The following DHRSX variants were observed in gnomAD, a reference collection of about 807,000 sequenced individuals.
DHRSX encodes dehydrogenase/reductase X-linked, also known as polyprenol dehydrogenase.
In DHRSX, 31 loss-of-function variants were observed where a neutral mutation model predicts 34.0. That is an observed-to-expected ratio of 0.91 (90% CI 0.69 to 1.23). The LOEUF (loss-of-function observed/expected upper bound fraction) is 1.23, where lower values mean the gene tolerates loss of function less well. DHRSX is among the 50% of genes most tolerant of loss of function. The pLI is 0.00. For missense variants in DHRSX, 414 were observed against 428.1 expected (o/e 0.97, Z 0.29); for synonymous variants, 201 against 183.8 (o/e 1.09, Z -0.76).
chrX:2,222,468 G>A (rs1373376148), intron 6 of DHRSX, among the ~76,000 whole-genome samples: 4 of 152,210 alleles, frequency 2.6e-5, no homozygotes, highest in African/African-American at 9.6e-5. Flanking sequence ...AATTGCGAGA[G>A]TTTTAGAAGC....
At chrX:2,297,734 C>T (rs2041950941) in intron 3 of DHRSX, among the ~76,000 whole-genome samples, 2 of 148,836 alleles carry the variant, frequency 1.3e-5, no homozygotes, top group Non-Finnish European at 3.0e-5. Flanking sequence ...GACAGGAGTG[C>T]GGAGTTTTTT....
intron 1 of DHRSX, among the ~76,000 whole-genome samples, chrX:2,448,978 C>T (rs143894529): frequency 0.012 from 1,845 of 152,248 alleles, 37 homozygotes; most frequent in African/African-American, 0.042. Flanking sequence ...CACCTGAGGT[C>T]AGGAGTTCCA....
At position 2,383,702 on chromosome X, in the gene DHRSX, AAAC is replaced by A. The variant is rs199689488; in HGVS notation, c.286+25040_286+25042del. ...GGCTGGGGAAATCAGTGACACAATT[AAAC>A]AACCAACGATACAATGTGTGAGGTT... On this transcript the variant is annotated intron_variant, in intron 3 of 6. Transcript: ENST00000334651. 8.5e-3 allele frequency among the ~76,000 whole-genome samples: 1,300 copies of A among 152,328 alleles called. 14 individuals carry two copies. The highest frequency in any genetic ancestry group is 0.029 in the African/African-American group (1,188 of 41,574).
At chrX:2,357,400 A>G (rs1161064842) in intron 3 of DHRSX, among the ~76,000 whole-genome samples, 1 of 152,146 alleles carries the variant, frequency 6.6e-6, no homozygotes, top group Non-Finnish European at 1.5e-5. Flanking sequence ...CCATTATAAG[A>G]TGTATAGTAA....
Position 2,241,127 on chromosome X carries a change from C to G in DHRSX, c.804+1896G>C, listed in dbSNP as rs767885180. On this transcript the variant is annotated intron_variant, in intron 6 of 6. Transcript: ENST00000334651. Reference sequence around the variant, plus strand: ...TGAACCCGGGAGGCAGAGGCTGCAGCGAGCCGAGATCACACCACGGCACTC... The same window carrying G: ...TGAACCCGGGAGGCAGAGGCTGCAGGGAGCCGAGATCACACCACGGCACTC... Among the ~76,000 whole-genome samples the G allele has an allele frequency of 4.6e-5, 7 of 151,768 alleles. No homozygotes were observed. In the South Asian group the frequency reaches 1.5e-3, roughly 32 times the overall value.
chrX:2,245,831 A>T (rs751466872), intron 5 of DHRSX, among the ~76,000 whole-genome samples: 1 of 150,948 alleles, frequency 6.6e-6, no homozygotes, highest in African/African-American at 2.4e-5. Flanking sequence ...GCATGGTGGC[A>T]TGTGCCTGTA....
At chrX:2,274,197 C>T (rs2124472033) in intron 4 of DHRSX, among the ~76,000 whole-genome samples, 1 of 151,724 alleles carries the variant, frequency 6.6e-6, no homozygotes, top group East Asian at 1.9e-4. Flanking sequence ...GCCCCGATGG[C>T]CAGCTATTTT....
intron 3 of DHRSX, among the ~76,000 whole-genome samples, chrX:2,388,538 T>C (rs2043298422): frequency 6.6e-6 from 1 of 151,676 alleles, no homozygotes; most frequent in African/African-American, 2.4e-5. Flanking sequence ...GCCCTGCCCA[T>C]ACCCTGATCT....
At chrX:2,458,088 T>G (rs1465555747) in intron 1 of DHRSX, among the ~76,000 whole-genome samples, 5 of 152,112 alleles carry the variant, frequency 3.3e-5, no homozygotes, top group African/African-American at 1.2e-4. Flanking sequence ...ACTGCCACCG[T>G]GTACACACTG....
chrX:2,263,547 G>C (rs941719903), intron 5 of DHRSX, among the ~76,000 whole-genome samples: 8 of 130,756 alleles, frequency 6.1e-5, no homozygotes, highest in Non-Finnish European at 1.1e-4. Context: ...GAATTTTGCT[G>C]TTGTTACTCC....
chrX:2,404,302 G>C (rs1776492431), intron 3 of DHRSX, among the ~76,000 whole-genome samples: 1 of 152,100 alleles, frequency 6.6e-6, no homozygotes, highest in East Asian at 1.9e-4. Context: ...CCCGGAGAAG[G>C]CACTTTTGGA....
chrX:2,489,670 G>A lies in DHRSX; in HGVS notation c.109+11147C>T, dbSNP rs151054588. On this transcript the variant is annotated intron_variant, in intron 1 of 6. Transcript: ENST00000334651. ...CCAGCGTGCTCCCCCACCAGGAGAC[G>A]CGGTTGCTCACCAGCATGCAGTGGG... is the stretch of plus-strand genomic sequence containing the variant. The A allele has an allele frequency of 1.4e-4, 218 of 1,612,408 alleles. 1 individual carries two copies. Among genetic ancestry groups the A allele is most frequent in the African/African-American group, 1.2e-3 (93 of 74,994 alleles).
intron 1 of DHRSX, among the ~76,000 whole-genome samples, chrX:2,440,580 T>G (rs1441532344): frequency 6.6e-6 from 1 of 151,704 alleles, no homozygotes. Context: ...CAGGCTGGAG[T>G]GCAGTGGCGG....
chrX:2,450,417 G>C (rs1485006894), intron 1 of DHRSX, among the ~76,000 whole-genome samples: 3 of 151,864 alleles, frequency 2.0e-5, no homozygotes, highest in African/African-American at 7.3e-5. Flanking sequence ...AGCCAAGATC[G>C]CGTCACTGTA....
intron 1 of DHRSX, among the ~76,000 whole-genome samples, chrX:2,429,785 G>C (rs1481754725): frequency 2.0e-5 from 3 of 151,964 alleles, no homozygotes; most frequent in African/African-American, 7.3e-5. Flanking sequence ...AACATGGTCA[G>C]ACAAATAATT....
intron 1 of DHRSX, among the ~76,000 whole-genome samples, chrX:2,475,145 G>A (rs1318775599): frequency 6.7e-6 from 1 of 150,278 alleles, no homozygotes; most frequent in Admixed American, 6.6e-5. Flanking sequence ...GTGCAGTGAA[G>A]ACACTCCCTA....
chrX:2,462,727 G>A (rs1243902889), intron 1 of DHRSX, among the ~76,000 whole-genome samples: 3 of 151,886 alleles, frequency 2.0e-5, no homozygotes, highest in South Asian at 2.1e-4. Context: ...CAAGTCCCAC[G>A]TGTATTTTAC....
chrX:2,453,457 A>C (rs2044253000), intron 1 of DHRSX, among the ~76,000 whole-genome samples: 3 of 152,064 alleles, frequency 2.0e-5, no homozygotes, highest in African/African-American at 7.2e-5. Context: ...GGATCGCTTC[A>C]GCCCAGGAAT....
chrX:2,290,230 C>T (rs772069213), intron 4 of DHRSX, among the ~76,000 whole-genome samples: 37 of 152,220 alleles, frequency 2.4e-4, no homozygotes, highest in African/African-American at 7.9e-4. Context: ...GGTATCTCAT[C>T]CACTTTCCTA....
Sources: gnomAD v4.1 joint callset for allele counts (sites outside exome capture counted in the v4.1 genomes callset) on GRCh38, gnomAD v4.1.1 for gene constraint, MANE v1.5 for transcripts, NCBI Gene and HGNC (gene_info 2026-07-23, HGNC 2026-07-21) for gene names.